IL1RAPL1: variants seen among roughly 807,000 people sequenced by gnomAD.
The protein encoded by IL1RAPL1 is interleukin-1 receptor accessory protein-like 1.
IL1RAPL1 carries 3 observed loss-of-function variants against 48.4 expected under a neutral mutation model. The observed-to-expected ratio is 0.06, with a 90% CI of 0.03 to 0.16. IL1RAPL1 has a LOEUF of 0.16. IL1RAPL1 is among the 10% of genes least tolerant of loss of function. IL1RAPL1 has a pLI of 1.00. For synonymous variants in IL1RAPL1, 185 were observed against 187.7 expected, an observed-to-expected ratio of 0.99 and a Z score of 0.12; for missense variants, 349 against 530.6, an observed-to-expected ratio of 0.66 and a Z score of 3.36.
intron 1 of IL1RAPL1, among the ~76,000 whole-genome samples, chrX:28,598,549 C>T (rs1933982496): frequency 9.1e-6 from 1 of 110,271 alleles, no homozygotes; most frequent in Admixed American, 9.6e-5. Flanking sequence ...GTCTCACAGT[C>T]TAGCTGTTGT....
At chrX:29,192,465 C>T (rs1233686028) in intron 2 of IL1RAPL1, among the ~76,000 whole-genome samples, 1 of 111,527 alleles carries the variant, frequency 9.0e-6, no homozygotes, top group East Asian at 2.8e-4. Flanking sequence ...GAACTCTTAA[C>T]TGTTTAATAT....
At chrX:29,277,016 T>C (rs181003801) in intron 2 of IL1RAPL1, among the ~76,000 whole-genome samples, 2 of 112,560 alleles carry the variant, frequency 1.8e-5, no homozygotes, top group South Asian at 3.6e-4. Flanking sequence ...TTTAATATGA[T>C]ACATGCTAAT....
chrX:28,710,764 TA>T (rs1296497471), intron 1 of IL1RAPL1, among the ~76,000 whole-genome samples: 1 of 112,271 alleles, frequency 8.9e-6, no homozygotes, highest in African/African-American at 3.2e-5. Context: ...ATGTAATCAA[TA>T]AAAAAGTATT....
chrX:28,856,876 T>A (rs1234399797), intron 2 of IL1RAPL1, among the ~76,000 whole-genome samples: 1 of 112,195 alleles, frequency 8.9e-6, no homozygotes, highest in Non-Finnish European at 1.9e-5. Context: ...TCTCTCACTT[T>A]AAATCAAAAG....
intron 6 of IL1RAPL1, among the ~76,000 whole-genome samples, chrX:29,684,976 C>T (rs181658655): frequency 1.9e-4 from 21 of 112,175 alleles, no homozygotes; most frequent in African/African-American, 6.8e-4. Context: ...TTAGGATTCA[C>T]GTTTTCTTTC....
intron 2 of IL1RAPL1, among the ~76,000 whole-genome samples, chrX:29,053,862 G>A (rs1291870348): frequency 9.0e-6 from 1 of 111,337 alleles, no homozygotes; most frequent in Non-Finnish European, 1.9e-5. Flanking sequence ...CAACTTTGTC[G>A]AATATCAGAT....
intron 6 of IL1RAPL1, among the ~76,000 whole-genome samples, chrX:29,802,256 A>G (rs2147168650): frequency 8.9e-6 from 1 of 112,297 alleles, no homozygotes; most frequent in South Asian, 3.7e-4. Context: ...GAGAATTTGA[A>G]AAGCCAGATT....
chrX:29,915,215 T>G (rs1601880974), intron 6 of IL1RAPL1, among the ~76,000 whole-genome samples: 1 of 111,867 alleles, frequency 8.9e-6, no homozygotes, highest in Middle Eastern at 4.6e-3. Flanking sequence ...GAGAATTGCT[T>G]AAACCCGGGA....
At chrX:28,692,921 T>C (rs1935195244) in intron 1 of IL1RAPL1, among the ~76,000 whole-genome samples, 2 of 111,613 alleles carry the variant, frequency 1.8e-5, no homozygotes, top group Non-Finnish European at 3.8e-5. Context: ...CTTTATGGAG[T>C]ACAGTGTGAT....
intron 6 of IL1RAPL1, among the ~76,000 whole-genome samples, chrX:29,732,724 A>G (rs1218637963): frequency 9.0e-6 from 1 of 111,446 alleles, no homozygotes; most frequent in Non-Finnish European, 1.9e-5. Context: ...TACTTTTTGG[A>G]GAATGTCTCT....
intron 6 of IL1RAPL1, among the ~76,000 whole-genome samples, chrX:29,695,989 C>A (rs1287801030): frequency 9.0e-6 from 1 of 111,629 alleles, no homozygotes; most frequent in Non-Finnish European, 1.9e-5. Flanking sequence ...AATTTAAGTA[C>A]GTATTGGTCA....
At chrX:29,484,724 T>C (rs1935078958) in intron 5 of IL1RAPL1, among the ~76,000 whole-genome samples, 1 of 111,683 alleles carries the variant, frequency 9.0e-6, no homozygotes, top group African/African-American at 3.3e-5. Flanking sequence ...CAGGAACATA[T>C]ATCATGGGCA....
chrX:28,788,712 C>T (rs2147264892), intron 1 of IL1RAPL1, among the ~76,000 whole-genome samples: 1 of 108,868 alleles, frequency 9.2e-6, no homozygotes, highest in African/African-American at 3.3e-5. Flanking sequence ...AAGGGATCTA[C>T]CCGCTTCAGC....
chrX:28,962,002 AG>A (rs1439779864), intron 2 of IL1RAPL1, among the ~76,000 whole-genome samples: 4 of 112,124 alleles, frequency 3.6e-5, no homozygotes, highest in African/African-American at 1.3e-4. Context: ...TCTCACGTTA[AG>A]AGCACCCAAA....
chrX:29,843,770 A>C (rs1449957714), intron 6 of IL1RAPL1, among the ~76,000 whole-genome samples: 1 of 100,271 alleles, frequency 1.0e-5, no homozygotes, highest in Non-Finnish European at 2.0e-5. Context: ...TCTCTCTTCA[A>C]TTCTCTCTCT....
chrX:29,455,366 C>T (rs188961493), intron 5 of IL1RAPL1, among the ~76,000 whole-genome samples: 46 of 112,062 alleles, frequency 4.1e-4, no homozygotes, highest in Middle Eastern at 4.6e-3. Flanking sequence ...GAAAGCATCT[C>T]CTTAAGCTTT....
At chrX:29,171,942 A>C (rs1375378142) in intron 2 of IL1RAPL1, among the ~76,000 whole-genome samples, 2 of 112,275 alleles carry the variant, frequency 1.8e-5, no homozygotes, top group African/African-American at 6.5e-5. Context: ...TTGTGTTCAA[A>C]TAGTGGTTTT....
chrX:28,870,823 A>G (rs1181682184), intron 2 of IL1RAPL1, among the ~76,000 whole-genome samples: 2 of 111,398 alleles, frequency 1.8e-5, no homozygotes, highest in East Asian at 5.6e-4. Context: ...TCCAAGGGAA[A>G]TCTGGGGAAA....
chrX:29,197,219 T>C (rs779456336), intron 2 of IL1RAPL1, among the ~76,000 whole-genome samples: 1 of 112,303 alleles, frequency 8.9e-6, no homozygotes, highest in South Asian at 3.7e-4. Context: ...CTGAAAGTTA[T>C]CATTCTTGCT....
Sources: gnomAD v4.1 joint callset for allele counts (sites outside exome capture counted in the v4.1 genomes callset) on GRCh38, gnomAD v4.1.1 for gene constraint, MANE v1.5 for transcripts, NCBI Gene and HGNC (gene_info 2026-07-23, HGNC 2026-07-21) for gene names.